CASD1: variants seen among roughly 807,000 people sequenced by gnomAD.
CASD1 encodes the protein N-acetylneuraminate (7)9-O-acetyltransferase.
A neutral mutation model predicts 100.0 loss-of-function variants in CASD1; 41 were observed. That is an observed-to-expected ratio of 0.41 (90% CI 0.32 to 0.53). The LOEUF (loss-of-function observed/expected upper bound fraction) is 0.53. Among genes scored for constraint, CASD1 ranks in the 20% least tolerant of loss-of-function variants. The pLI, the probability that CASD1 is intolerant of heterozygous loss-of-function variation, is 0.25. For missense variants in CASD1, 774 were observed against 948.7 expected, an observed-to-expected ratio of 0.82 and a Z score of 2.42; for synonymous variants, 321 against 315.6, an observed-to-expected ratio of 1.02 and a Z score of -0.18.
At chr7:94,608,342 TTAAATA>T in the CASD1 span, among the ~76,000 whole-genome samples, 1 of 152,000 alleles carries the variant, frequency 6.6e-6, no homozygotes, top group Admixed American at 6.6e-5. Flanking sequence ...AATAAAATAC[TTAAATA>T]TAAATATAAG....
the CASD1 span, among the ~76,000 whole-genome samples, chr7:94,566,877 T>A: frequency 6.6e-6 from 1 of 152,126 alleles, no homozygotes; most frequent in Non-Finnish European, 1.5e-5. Context: ...CTTAGCCAGG[T>A]CTTAACTACC....
At chr7:94,593,998 GTGTAC>G in the CASD1 span, among the ~76,000 whole-genome samples, 11 of 152,030 alleles carry the variant, frequency 7.2e-5, no homozygotes, top group African/African-American at 2.7e-4. Context: ...GCCCCAGAAT[GTGTAC>G]TGTAAAAGCT....
intron 14 of CASD1, 143 bp downstream of exon 14, chr7:94,549,777 C>G (rs759801580): frequency 1.3e-5 from 7 of 552,946 alleles, no homozygotes; most frequent in Non-Finnish European, 2.2e-5. Flanking sequence ...AGTCCACTAC[C>G]CCCTGCACTC....
chr7:94,514,092 C>T (rs933590254), intron 1 of CASD1, among the ~76,000 whole-genome samples: 1 of 151,998 alleles, frequency 6.6e-6, no homozygotes, highest in African/African-American at 2.4e-5. Flanking sequence ...ATAAAGTTAA[C>T]TTCAAATGCC....
chr7:94,553,153 G>C (rs140989577), intron 16 of CASD1: 3 of 481,016 alleles, frequency 6.2e-6, no homozygotes, highest in Non-Finnish European at 1.2e-5. Context: ...TCACCACTCT[G>C]TATATCACTT....
At chr7:94,599,681 G>T in the CASD1 span, 4 of 1,608,264 alleles carry the variant, frequency 2.5e-6, no homozygotes, top group Non-Finnish European at 3.4e-6. Flanking sequence ...AAAATAACAG[G>T]AAAGAAGACA....
chr7:94,527,324 G>A, intron 4 of CASD1, 118 bp downstream of exon 4: 1 of 730,194 alleles, frequency 1.4e-6, no homozygotes, highest in Non-Finnish European at 2.2e-6. Flanking sequence ...TATTAGGATA[G>A]TGGAATAAAA....
chr7:94,623,915 T>C, the CASD1 span: 3 of 364,090 alleles, frequency 8.2e-6, no homozygotes, highest in Non-Finnish European at 9.7e-6. Flanking sequence ...ACGATGGGAG[T>C]AAAGTAGTAA....
Position 94,539,055 on chromosome 7 carries a change from C to G in CASD1, c.1355C>G (p.Thr452Arg), listed in dbSNP as rs1360070468. Residue 452 changes from threonine to arginine, a missense_variant and splice_region_variant, in exon 10 of 18, where the codon ACA (threonine) becomes AGA (arginine). Physicochemically the swap from Thr to Arg is moderately conservative, Grantham distance 71. Transcript: ENST00000297273. ...ATTTATCACATTTCTGGAGCAAGTA[C>G]AGTAAGTATTTGGAATTTAAGTTCA... ...ILIYHISGAS[T>R]FLPVYMHIRV... 6.4e-7 allele frequency: 1 copy of G among 1,570,532 alleles called. No individual in the cohort carries two copies.
intron 13 of CASD1, among the ~76,000 whole-genome samples, chr7:94,548,560 ATATGC>A (rs1267907308): frequency 6.6e-6 from 1 of 151,808 alleles, no homozygotes; most frequent in Non-Finnish European, 1.5e-5. Context: ...CCTATTTTTA[ATATGC>A]TATGTGCATT....
intron 1 of CASD1, among the ~76,000 whole-genome samples, chr7:94,515,749 G>A (rs978886994): frequency 2.0e-5 from 3 of 151,962 alleles, no homozygotes; most frequent in Non-Finnish European, 4.4e-5. Context: ...GGGGAGGGGA[G>A]AAAGAAAACA....
intron 5 of CASD1, among the ~76,000 whole-genome samples, chr7:94,532,058 G>A (rs1189216393): frequency 6.6e-6 from 1 of 151,996 alleles, no homozygotes; most frequent in Non-Finnish European, 1.5e-5. Flanking sequence ...ATAACATATA[G>A]TTAGCTGCAA....
At chr7:94,602,394 T>C in the CASD1 span, among the ~76,000 whole-genome samples, 21 of 152,278 alleles carry the variant, frequency 1.4e-4, no homozygotes, top group East Asian at 4.1e-3. Flanking sequence ...GTGAGTAATA[T>C]GTTCTCCAGG....
the CASD1 span, chr7:94,624,333 T>A: frequency 2.5e-6 from 1 of 397,570 alleles, no homozygotes. Flanking sequence ...AAGATTTTTA[T>A]ACATTACATG....
chr7:94,591,198 A>G, the CASD1 span, among the ~76,000 whole-genome samples: 1 of 152,352 alleles, frequency 6.6e-6, no homozygotes, highest in East Asian at 1.9e-4. Flanking sequence ...TTTATAAACT[A>G]CAAAGAGGGA....
the CASD1 span, among the ~76,000 whole-genome samples, chr7:94,596,803 A>C: frequency 6.6e-5 from 10 of 152,090 alleles, no homozygotes; most frequent in African/African-American, 1.9e-4. Flanking sequence ...TGTTGCTACT[A>C]CTTTTTTCCA....
intron 5 of CASD1, among the ~76,000 whole-genome samples, chr7:94,531,213 C>T (rs932339778): frequency 1.3e-5 from 2 of 151,812 alleles, no homozygotes; most frequent in Non-Finnish European, 2.9e-5. Context: ...AGGAGGAGGA[C>T]AAGATTGATA....
chr7:94,528,736 G>A (rs1177313713), intron 5 of CASD1, among the ~76,000 whole-genome samples: 1 of 152,080 alleles, frequency 6.6e-6, no homozygotes, highest in Non-Finnish European at 1.5e-5. Context: ...TAAATTAGAT[G>A]TAAAGGTAAG....
chr7:94,568,773 T>C, the CASD1 span, among the ~76,000 whole-genome samples: 5 of 152,172 alleles, frequency 3.3e-5, no homozygotes, highest in Non-Finnish European at 7.4e-5. Context: ...ATTGCCCTTA[T>C]AAAAGAAGCC....
Sources: allele counts gnomAD v4.1 joint callset (sites outside exome capture counted in the v4.1 genomes callset), GRCh38; gene constraint gnomAD v4.1.1; transcripts MANE v1.5; gene names NCBI Gene and HGNC (gene_info 2026-07-23, HGNC 2026-07-21).